Variants in PTPN22 observed in about 807,000 individuals in gnomAD.
PTPN22 encodes protein tyrosine phosphatase non-receptor type 22, also known as tyrosine-protein phosphatase non-receptor type 22.
PTPN22 carries 85 observed loss-of-function variants against 103.3 expected under a neutral mutation model. The ratio of observed to expected loss-of-function variants is 0.82; its 90% CI spans 0.69 to 0.99. The LOEUF (loss-of-function observed/expected upper bound fraction) is 0.99. PTPN22 is among the 50% of genes least tolerant of loss of function. PTPN22 has a pLI of 0.00. For missense variants in PTPN22, 865 were observed against 936.9 expected (o/e 0.92, Z 1.00); for synonymous variants, 323 against 310.2 (o/e 1.04, Z -0.43).
chr1:113,844,732 T>C (rs1032638124), intron 11 of PTPN22, among the ~76,000 whole-genome samples: 2 of 152,256 alleles, frequency 1.3e-5, no homozygotes, highest in Admixed American at 6.5e-5. Context: ...TTTGACCCAA[T>C]AGATTATTTA....
chr1:113,871,713 G>A, upstream of PTPN22: 1 of 1,113,418 alleles, frequency 9.0e-7, no homozygotes, highest in Non-Finnish European at 1.4e-6. Flanking sequence ...AAAAGCCACT[G>A]CTGCCGCCTG....
chr1:113,852,533 A>G (rs1364502002), intron 9 of PTPN22, among the ~76,000 whole-genome samples: 1 of 152,256 alleles, frequency 6.6e-6, no homozygotes, highest in African/African-American at 2.4e-5. Context: ...GAGTCCATCT[A>G]TTAAAGCATC....
rs531837653 is a variant in PTPN22 at position 113,826,158 on chromosome 1, G to A, written c.2251-986C>T. On this transcript the variant is annotated intron_variant, in intron 18 of 20. Transcript: ENST00000359785. ...GCCAGGGAGTTCAAGACCAGACTGG[G>A]CAACATGGTGAGACCCCATCCCTAC... Among the ~76,000 whole-genome samples the A allele has an allele frequency of 3.3e-5, 5 of 152,108 alleles. No individual in the cohort carries two copies. In the South Asian group the frequency reaches 6.2e-4, roughly 19 times the overall value.
Position 113,833,209 on chromosome 1 carries a change from A to G in PTPN22, c.2026-71T>C. ...AAATTATACAAACTCAAAGCAAAAA[A>G]TGGCATTTTTGAACTTATATGTAAT... On this transcript the variant is annotated intron_variant, in intron 15 of 20. Transcript: ENST00000359785. 3.9e-6 allele frequency: 5 copies of G among 1,290,548 alleles called. No individual in the cohort carries two copies. The East Asian group carries it at 1.2e-4, about 31-fold the overall frequency. The allele number at this position is 1,290,548 out of a possible 1,614,324, so 79.9% of individuals were successfully genotyped here. A position where few individuals can be genotyped will look rare whatever the true frequency, so the allele number is the denominator to read the frequency against.
At chr1:113,827,222 T>C (rs1426368648) in intron 18 of PTPN22, among the ~76,000 whole-genome samples, 1 of 152,166 alleles carries the variant, frequency 6.6e-6, no homozygotes, top group East Asian at 1.9e-4. Context: ...TTTAATACAT[T>C]ATTTATTTGT....
intron 1 of PTPN22, chr1:113,864,049 T>G (rs1296495943): frequency 3.6e-6 from 1 of 278,264 alleles, no homozygotes; most frequent in Non-Finnish European, 7.1e-6. Flanking sequence ...GAGAGTCACT[T>G]GCGGTGAGCC....
intron 4 of PTPN22, 134 bp from the exon 5 acceptor site, chr1:113,857,910 A>T (rs1176024805): frequency 2.8e-6 from 2 of 707,862 alleles, no homozygotes; most frequent in Non-Finnish European, 4.6e-6. Flanking sequence ...CCAAAAAATA[A>T]ATCCTGGTGA....
intron 3 of PTPN22, 78 bp downstream of exon 3, chr1:113,858,924 C>T (rs1665322022): frequency 1.3e-6 from 2 of 1,537,900 alleles, no homozygotes; most frequent in Admixed American, 2.1e-5. Flanking sequence ...CAGGCATGAG[C>T]CACTGAGTCC....
At chr1:113,862,145 G>A (rs1396295687) in intron 1 of PTPN22, among the ~76,000 whole-genome samples, 3 of 152,090 alleles carry the variant, frequency 2.0e-5, no homozygotes, top group Admixed American at 6.6e-5. Context: ...AGCTGGGCAT[G>A]GTGGCAGACC....
At chr1:113,837,909 C>T in exon 13 of PTPN22, 1 of 1,614,080 alleles carries the variant, frequency 6.2e-7, no homozygotes, top group Non-Finnish European at 8.5e-7. Flanking sequence ...GTGAATAATT[C>T]AGTTCTGCTG....
chr1:113,862,020 C>T (rs1052721438), intron 1 of PTPN22, among the ~76,000 whole-genome samples: 2 of 152,028 alleles, frequency 1.3e-5, no homozygotes, highest in East Asian at 3.9e-4. Flanking sequence ...GTGGCTCACA[C>T]CTGTAATCCC....
chr1:113,859,030 G>A (rs778514849), exon 3 of PTPN22: 2 of 1,613,800 alleles, frequency 1.2e-6, no homozygotes, highest in Admixed American at 1.7e-5. Flanking sequence ...GATGTAGCTG[G>A]AATCCTCATC....
chr1:113,870,676 C>T (rs1666501471), intron 1 of PTPN22, among the ~76,000 whole-genome samples: 1 of 151,978 alleles, frequency 6.6e-6, no homozygotes, highest in African/African-American at 2.4e-5. Context: ...TAAGGAAGCC[C>T]TGTTATTGAA....
At chr1:113,818,524 A>T (rs947844221) in intron 20 of PTPN22, among the ~76,000 whole-genome samples, 40 of 152,302 alleles carry the variant, frequency 2.6e-4, no homozygotes, top group African/African-American at 9.1e-4. Context: ...ATGGCAAAAA[A>T]GACAGATCCA....
exon 17 of PTPN22, chr1:113,829,976 C>G: frequency 6.2e-7 from 1 of 1,607,364 alleles, no homozygotes; most frequent in Non-Finnish European, 8.5e-7. Context: ...AAGAAGGACT[C>G]TAGAGTTCTT....
Position 113,863,096 on chromosome 1 carries a change from G to C in PTPN22, c.88-3636C>G, listed in dbSNP as rs372918443. ...GCAAGAAATGTGTGTGTTGTTGGTT[G>C]GTTGGTTGGTTTTTGAGACAGAATC... is the stretch of plus-strand genomic sequence containing the variant. On this transcript the variant is annotated intron_variant, in intron 1 of 20. Coordinates refer to ENST00000359785, the Ensembl canonical transcript of PTPN22. Among the ~76,000 whole-genome samples the C allele has an allele frequency of 4.6e-5, 7 of 152,080 alleles. No homozygotes were observed. In the East Asian group the frequency reaches 5.8e-4, roughly 13 times the overall value.
chr1:113,856,367 T>C lies in PTPN22; in HGVS notation c.540+15A>G. 1 of 1,549,178 alleles carries C rather than the reference T, an allele frequency of 6.5e-7. No individual in the cohort carries two copies. Among genetic ancestry groups the C allele is most frequent in the Non-Finnish European group, 8.7e-7 (1 of 1,148,556 alleles). On this transcript the variant is annotated intron_variant, in intron 7 of 20. Transcript: ENST00000359785. ...CTATAGGCTTTTGAGTTTATCATTC[T>C]TATTTTATACTTACACTATTGAACT...
exon 13 of PTPN22, chr1:113,837,983 C>G (rs778234460): frequency 6.2e-7 from 1 of 1,614,090 alleles, no homozygotes; most frequent in Non-Finnish European, 8.5e-7. Context: ...GGTTGAGATT[C>G]CAAATAAGAA....
At position 113,854,266 on chromosome 1, in the gene PTPN22, G is replaced by A. The variant is rs572872619; in HGVS notation, c.750+205C>T. 1.1e-3 allele frequency among the ~76,000 whole-genome samples: 172 copies of A among 152,270 alleles called. 2 individuals are homozygous for A. Among genetic ancestry groups the A allele is most frequent in the South Asian group, 8.3e-4 (4 of 4,830 alleles). ...TATTGCATTTCTAACAAGTTCTCAG[G>A]TGATGCTGATGCTTCTTGTCTGGGG... On this transcript the variant is annotated intron_variant, in intron 9 of 20. Transcript: ENST00000359785.
Sources: gnomAD v4.1 joint callset for allele counts (sites outside exome capture counted in the v4.1 genomes callset) on GRCh38, gnomAD v4.1.1 for gene constraint, MANE v1.5 for transcripts, NCBI Gene and HGNC (gene_info 2026-07-23, HGNC 2026-07-21) for gene names.